The following ADCY8 variants were observed in gnomAD, a reference collection of about 807,000 sequenced individuals.
ADCY8 encodes the protein adenylate cyclase type 8.
In ADCY8, 51 loss-of-function variants were observed where a neutral mutation model predicts 119.7. That is an observed-to-expected ratio of 0.43 (90% CI 0.34 to 0.54). ADCY8 has a LOEUF of 0.54. Among genes scored for constraint, ADCY8 ranks in the 20% least tolerant of loss-of-function variants. The probability of loss-of-function intolerance (pLI) is 0.03; values close to 1 mark genes in which losing one functional copy is unlikely to be tolerated. For missense variants in ADCY8, 1,383 were observed against 1,598.8 expected (o/e 0.87, Z 2.30); for synonymous variants, 665 against 651.0 (o/e 1.02, Z -0.33).
At chr8:131,029,564 G>C (rs547420052) in intron 1 of ADCY8, among the ~76,000 whole-genome samples, 1 of 152,280 alleles carries the variant, frequency 6.6e-6, no homozygotes, top group African/African-American at 2.4e-5. Flanking sequence ...GAGTAGATGG[G>C]CCTGATCCAT....
At chr8:130,859,375 A>G (rs1027609440) in intron 9 of ADCY8, among the ~76,000 whole-genome samples, 3 of 152,148 alleles carry the variant, frequency 2.0e-5, no homozygotes, top group Non-Finnish European at 1.5e-5. Flanking sequence ...TCTGCCATCC[A>G]CTTACACAAT....
intron 5 of ADCY8, among the ~76,000 whole-genome samples, chr8:130,917,121 G>A (rs1194638794): frequency 6.6e-6 from 1 of 152,178 alleles, no homozygotes; most frequent in Non-Finnish European, 1.5e-5. Context: ...TGAGCAAACT[G>A]AGGCTCTGAG....
At chr8:130,988,180 T>G (rs1822462739) in intron 2 of ADCY8, among the ~76,000 whole-genome samples, 2 of 152,224 alleles carry the variant, frequency 1.3e-5, no homozygotes, top group African/African-American at 4.8e-5. Context: ...CAGACTACAC[T>G]GTCCGTCTAT....
At chr8:130,810,397 C>A (rs1218341791) in intron 14 of ADCY8, among the ~76,000 whole-genome samples, 1 of 146,778 alleles carries the variant, frequency 6.8e-6, no homozygotes, top group East Asian at 2.0e-4. Flanking sequence ...CTAGTCTTGC[C>A]ATACTCCAGA....
intron 1 of ADCY8, 123 bp from the exon 2 acceptor site, chr8:130,990,665 G>C (rs777304449): frequency 7.8e-7 from 1 of 1,274,504 alleles, no homozygotes; most frequent in African/African-American, 1.5e-5. Context: ...ATGTTTAATC[G>C]CATGTTTGTA....
At chr8:130,795,914 C>T (rs1210601270) in intron 15 of ADCY8, among the ~76,000 whole-genome samples, 2 of 152,158 alleles carry the variant, frequency 1.3e-5, no homozygotes, top group Non-Finnish European at 2.9e-5. Context: ...CAGTCATGCC[C>T]AGGGTACACA....
intron 12 of ADCY8, among the ~76,000 whole-genome samples, chr8:130,824,180 A>T (rs1186850898): frequency 6.6e-6 from 1 of 152,130 alleles, no homozygotes. Context: ...TTAGTTCCCA[A>T]TTGCTTCTAT....
chr8:130,831,431 C>CA (rs1816831117), intron 12 of ADCY8, among the ~76,000 whole-genome samples: 1 of 152,120 alleles, frequency 6.6e-6, no homozygotes, highest in Non-Finnish European at 1.5e-5. Context: ...CTTAAGTACA[C>CA]AGATTGGAAA....
At chr8:130,917,581 C>T (rs1820166645) in intron 5 of ADCY8, among the ~76,000 whole-genome samples, 2 of 152,116 alleles carry the variant, frequency 1.3e-5, no homozygotes, top group Non-Finnish European at 2.9e-5. Context: ...CCCTTCCTGC[C>T]CTGGTGCCCC....
intron 3 of ADCY8, among the ~76,000 whole-genome samples, chr8:130,944,983 G>A (rs1821065408): frequency 6.6e-6 from 1 of 152,312 alleles, no homozygotes; most frequent in Admixed American, 6.5e-5. Flanking sequence ...CAGCCACAGA[G>A]GGATCAGGAG....
At chr8:130,903,720 T>C (rs1204942804) in intron 7 of ADCY8, 52 bp downstream of exon 7, 2 of 1,590,592 alleles carry the variant, frequency 1.3e-6, no homozygotes, top group Non-Finnish European at 1.7e-6. Context: ...GGATTGGAGA[T>C]GCACACGAGC....
chr8:130,923,133 A>G (rs1224066170), intron 5 of ADCY8, among the ~76,000 whole-genome samples: 3 of 152,178 alleles, frequency 2.0e-5, no homozygotes, highest in Non-Finnish European at 2.9e-5. Flanking sequence ...AAGCAGGCTT[A>G]TGAGTGCTGA....
rs1013621192 is a variant in ADCY8, at chr8:130,837,146, C to T, written c.2503-697G>A. Among the ~76,000 whole-genome samples, 5 of 152,258 alleles carry T rather than the reference C, an allele frequency of 3.3e-5. No individual in the cohort carries two copies. The East Asian group carries it at 9.7e-4, about 29-fold the overall frequency. On this transcript the variant is annotated intron_variant, in intron 11 of 17. Coordinates refer to ENST00000286355, the MANE Select transcript of ADCY8 (RefSeq NM_001115.3). Reference sequence around the variant, plus strand: ...TTTGGCAGCTCTGTCTGCAGTTAGTCCCCAGTCCCCACCCCACACCCATAT... The same window carrying T: ...TTTGGCAGCTCTGTCTGCAGTTAGTTCCCAGTCCCCACCCCACACCCATAT...
At chr8:130,976,828 A>T (rs115573922) in intron 2 of ADCY8, among the ~76,000 whole-genome samples, 1,787 of 152,332 alleles carry the variant, frequency 0.012, 16 homozygotes, top group Middle Eastern at 0.031. Flanking sequence ...AAAAAATTTT[A>T]AAAATAATTT....
chr8:130,919,160 T>C lies in ADCY8; in HGVS notation c.1482-9294A>G, dbSNP rs193200956. ...ACTGGTCAGTATCGCATGTCCAAAC[T>C]GGGAGAGTCATTTAACCCGAAACTT... On this transcript the variant is annotated intron_variant, in intron 5 of 17. Transcript: ENST00000286355. Among the ~76,000 whole-genome samples the C allele has an allele frequency of 5.3e-5, 8 of 152,336 alleles. No individual in the cohort carries two copies. The East Asian group carries it at 1.5e-3, about 29-fold the overall frequency.
intron 4 of ADCY8, among the ~76,000 whole-genome samples, chr8:130,937,409 C>A (rs1299506663): frequency 6.6e-6 from 1 of 152,112 alleles, no homozygotes. Context: ...GGAATGGAAT[C>A]ATAAAGAAAT....
chr8:130,898,371 T>C (rs746135144), intron 7 of ADCY8, among the ~76,000 whole-genome samples: 41 of 152,308 alleles, frequency 2.7e-4, no homozygotes, highest in Non-Finnish European at 4.3e-4. Flanking sequence ...TGTTTATCTA[T>C]ATTCCAGGCA....
intron 15 of ADCY8, among the ~76,000 whole-genome samples, chr8:130,792,022 C>G (rs1741078898): frequency 6.6e-6 from 1 of 152,170 alleles, no homozygotes; most frequent in African/African-American, 2.4e-5. Flanking sequence ...CATTTTCCTC[C>G]TCCCCATTTT....
At chr8:130,967,952 C>A (rs1156280361) in intron 2 of ADCY8, among the ~76,000 whole-genome samples, 1 of 152,128 alleles carries the variant, frequency 6.6e-6, no homozygotes, top group Non-Finnish European at 1.5e-5. Flanking sequence ...CCTCTCCAAA[C>A]CTCATTGTCC....
Sources: gnomAD v4.1 joint callset for allele counts (sites outside exome capture counted in the v4.1 genomes callset) on GRCh38, gnomAD v4.1.1 for gene constraint, MANE v1.5 for transcripts, NCBI Gene and HGNC (gene_info 2026-07-23, HGNC 2026-07-21) for gene names.